Variants in LAMA2 observed in about 807,000 individuals in gnomAD.
The protein encoded by LAMA2 is laminin subunit alpha-2.
Under a neutral mutation model 364.8 loss-of-function variants are expected in LAMA2, and 269 were observed. The ratio of observed to expected loss-of-function variants is 0.74; its 90% CI spans 0.67 to 0.82. The LOEUF is 0.82. Among genes scored for constraint, LAMA2 ranks in the 40% least tolerant of loss-of-function variants. LAMA2 has a pLI of 0.00. For missense variants in LAMA2, 3,807 were observed against 3,873.2 expected (o/e 0.98, Z 0.45); for synonymous variants, 1,379 against 1,370.6 (o/e 1.01, Z -0.14).
intron 15 of LAMA2, among the ~76,000 whole-genome samples, chr6:129,265,619 A>G (rs553054810): frequency 6.6e-6 from 1 of 151,626 alleles, no homozygotes; most frequent in East Asian, 2.0e-4. Context: ...GAAACGGAAC[A>G]GGATAGAAAT....
chr6:128,993,477 G>A (rs374407742), intron 1 of LAMA2, among the ~76,000 whole-genome samples: 2 of 152,088 alleles, frequency 1.3e-5, no homozygotes, highest in South Asian at 2.1e-4. Context: ...GTCATTACAG[G>A]CTAGTTGTAC....
chr6:129,221,552 G>C (rs899286931), intron 12 of LAMA2, among the ~76,000 whole-genome samples: 1 of 152,008 alleles, frequency 6.6e-6, no homozygotes, highest in Non-Finnish European at 1.5e-5. Flanking sequence ...TTATCAAAGA[G>C]ATAATGGATA....
chr6:129,200,400 A>ATGTACACATACATATACGTGTATATG (rs1562324743), intron 12 of LAMA2, among the ~76,000 whole-genome samples: 1 of 147,294 alleles, frequency 6.8e-6, no homozygotes, highest in African/African-American at 2.5e-5. Context: ...GTGTATATAC[A>ATGTACACATACATATACGTGTATATG]TGTACACATA....
intron 49 of LAMA2, among the ~76,000 whole-genome samples, chr6:129,461,343 C>G (rs1368554756): frequency 1.3e-5 from 2 of 152,064 alleles, no homozygotes; most frequent in African/African-American, 2.4e-5. Context: ...TGTTATCCCT[C>G]TAAAAGTCTT....
rs1454700814 is a variant in LAMA2, at chr6:129,512,378, T to C, written c.8873T>C (p.Val2958Ala). ...CATTTTACAGTTGGTGGATTCAAAG[T>C]GGGATTGGACCTTCTTGTAGAATTT... ...GFAKAVGGFK[V>A]GLDLLVEFEF... is the part of the protein sequence containing the mutation. Residue 2958 changes from valine (V) to alanine (A), a missense_variant, in exon 63 of 65, where the codon GTG (valine) becomes GCG (alanine). Coordinates refer to ENST00000421865, the MANE Select transcript of LAMA2 (RefSeq NM_000426.4). The C allele has an allele frequency of 1.2e-6, 2 of 1,613,690 alleles. No individual in the cohort carries two copies. The highest frequency in any genetic ancestry group is 1.7e-5 in the Admixed American group (1 of 59,996).
intron 22 of LAMA2, among the ~76,000 whole-genome samples, chr6:129,303,614 TCAAGAA>T (rs1291261320): frequency 6.6e-6 from 1 of 152,192 alleles, no homozygotes; most frequent in Non-Finnish European, 1.5e-5. Context: ...AGAGCTTTTA[TCAAGAA>T]TATGTGTTCA....
At chr6:128,913,771 A>T (rs1240873747) in intron 1 of LAMA2, among the ~76,000 whole-genome samples, 1 of 152,194 alleles carries the variant, frequency 6.6e-6, no homozygotes, top group African/African-American at 2.4e-5. Context: ...TATGTAGTGG[A>T]ATTACCTCAG....
chr6:129,452,972 C>T lies in LAMA2; in HGVS notation c.6430-16C>T. ...GAGATTTACTCTTGGTTCTTTGTATCTTGTTTTTTTTAAAGATCAAAGTAT... is the reference window on the plus strand; with the variant it reads ...GAGATTTACTCTTGGTTCTTTGTATTTTGTTTTTTTTAAAGATCAAAGTAT... On this transcript the variant is annotated splice_polypyrimidine_tract_variant and intron_variant, in intron 45 of 64. Coordinates refer to ENST00000421865, the MANE Select transcript of LAMA2 (RefSeq NM_000426.4). 1 of 1,609,602 alleles carries T rather than the reference C, an allele frequency of 6.2e-7. No homozygotes were observed. Among genetic ancestry groups the T allele is most frequent in the Non-Finnish European group, 8.5e-7 (1 of 1,177,158 alleles).
intron 3 of LAMA2, among the ~76,000 whole-genome samples, chr6:129,095,998 G>A (rs1369636561): frequency 6.6e-6 from 1 of 151,594 alleles, no homozygotes; most frequent in African/African-American, 2.4e-5. Flanking sequence ...TCTTCTTTAT[G>A]ATTTTAAGAC....
intron 12 of LAMA2, among the ~76,000 whole-genome samples, chr6:129,228,661 T>C (rs1583298401): frequency 1.3e-5 from 2 of 152,318 alleles, no homozygotes; most frequent in East Asian, 3.9e-4. Context: ...CCTGAAGGCA[T>C]TTTTAATTAT....
chr6:128,991,181 A>T (rs1783586801), intron 1 of LAMA2, among the ~76,000 whole-genome samples: 1 of 152,158 alleles, frequency 6.6e-6, no homozygotes, highest in Non-Finnish European at 1.5e-5. Context: ...TTTTTCCGTG[A>T]GAATAGAATC....
At chr6:129,405,615 T>G (rs1373022256) in intron 40 of LAMA2, among the ~76,000 whole-genome samples, 4 of 152,150 alleles carry the variant, frequency 2.6e-5, no homozygotes, top group African/African-American at 9.6e-5. Flanking sequence ...GAATCAGTGA[T>G]TTATTAAATG....
chr6:129,181,485 G>A (rs571431287), intron 10 of LAMA2, among the ~76,000 whole-genome samples: 80 of 151,632 alleles, frequency 5.3e-4, no homozygotes, highest in Non-Finnish European at 8.4e-4. Flanking sequence ...TAAAATAGAC[G>A]CTATATTAAA....
At chr6:129,387,801 A>T (rs1286210484) in intron 35 of LAMA2, among the ~76,000 whole-genome samples, 1 of 152,238 alleles carries the variant, frequency 6.6e-6, no homozygotes, top group Non-Finnish European at 1.5e-5. Context: ...CTAATCCAGG[A>T]ATGGAAAACC....
intron 37 of LAMA2, among the ~76,000 whole-genome samples, chr6:129,400,571 A>C (rs1309896304): frequency 6.6e-6 from 1 of 152,224 alleles, no homozygotes; most frequent in East Asian, 1.9e-4. Context: ...TAAAATAAGT[A>C]AAAAATAGAC....
intron 1 of LAMA2, among the ~76,000 whole-genome samples, chr6:128,989,883 CA>C (rs995593246): frequency 2.0e-5 from 3 of 152,084 alleles, no homozygotes; most frequent in Non-Finnish European, 4.4e-5. Context: ...TGTTTATAGA[CA>C]GCACGTTTTT....
chr6:128,966,815 A>T (rs975865564), intron 1 of LAMA2, among the ~76,000 whole-genome samples: 1 of 152,216 alleles, frequency 6.6e-6, no homozygotes, highest in African/African-American at 2.4e-5. Context: ...ATGAGCAAAG[A>T]TGAGCTCAGC....
chr6:129,132,128 T>A (rs1282318017), intron 4 of LAMA2, among the ~76,000 whole-genome samples: 2 of 151,478 alleles, frequency 1.3e-5, no homozygotes, highest in East Asian at 1.9e-4. Flanking sequence ...TCAGCACAGA[T>A]CTGGAGGGGA....
intron 14 of LAMA2, among the ~76,000 whole-genome samples, chr6:129,256,413 C>G (rs1786665011): frequency 6.6e-6 from 1 of 152,000 alleles, no homozygotes; most frequent in Non-Finnish European, 1.5e-5. Context: ...AGCAGTCATT[C>G]TAGGCTAGGC....
Sources: gnomAD v4.1 joint callset for allele counts (sites outside exome capture counted in the v4.1 genomes callset) on GRCh38, gnomAD v4.1.1 for gene constraint, MANE v1.5 for transcripts, NCBI Gene and HGNC (gene_info 2026-07-23, HGNC 2026-07-21) for gene names.